The following CFHR4 variants were observed in gnomAD, a reference collection of about 807,000 sequenced individuals.
The protein encoded by CFHR4 is complement factor H related 4, also known as complement factor H-related protein 4.
CFHR4 carries 64 observed loss-of-function variants against 69.3 expected under a neutral mutation model. The observed-to-expected ratio is 0.92, with a 90% confidence interval of 0.76 to 1.14. The LOEUF (loss-of-function observed/expected upper bound fraction) is 1.14. Among genes scored for constraint, CFHR4 ranks in the 50% most tolerant of loss-of-function variants. CFHR4 has a pLI of 0.00. For synonymous variants in CFHR4, 244 were observed against 237.0 expected (o/e 1.03, Z -0.27); for missense variants, 636 against 684.9 (o/e 0.93, Z 0.80).
At chr1:196,894,188 C>T (rs768806854) in intron 1 of CFHR4, among the ~76,000 whole-genome samples, 9 of 151,540 alleles carry the variant, frequency 5.9e-5, no homozygotes, top group Middle Eastern at 3.2e-3. Context: ...TAATAATTCA[C>T]TTAAATGCAT....
intron 3 of CFHR4, among the ~76,000 whole-genome samples, 175 bp from the exon 4 acceptor site, chr1:196,906,686 C>T (rs1657922326): frequency 6.6e-6 from 1 of 151,156 alleles, no homozygotes; most frequent in Non-Finnish European, 1.5e-5. Context: ...GTATTTTTCT[C>T]TTGTAATTAA....
Position 196,905,303 on chromosome 1 carries a change from C to A in CFHR4, c.439+13C>A, listed in dbSNP as rs1657852275. 1.9e-6 allele frequency: 3 copies of A among 1,610,104 alleles called. No homozygotes were observed. Among genetic ancestry groups the A allele is most frequent in the Non-Finnish European group, 2.5e-6 (3 of 1,178,190 alleles). On this transcript the variant is annotated intron_variant, in intron 3 of 9. Transcript: ENST00000608469. ...CCAATTTGCATTAGTAAGTTATTTA[C>A]ATATTCCCACTCAGTTTCTGTCAAC... is the stretch of plus-strand genomic sequence containing the variant.
chr1:196,913,413 C>T lies in CFHR4; in HGVS notation c.1180+491C>T, dbSNP rs146004047. Among the ~76,000 whole-genome samples the T allele has an allele frequency of 6.5e-3, 978 of 151,266 alleles. 37 individuals carry two copies. Among genetic ancestry groups the T allele is most frequent in the African/African-American group, 0.022 (907 of 41,044 alleles). On this transcript the variant is annotated intron_variant, in intron 7 of 9. Coordinates refer to ENST00000608469, the MANE Select transcript of CFHR4 (RefSeq NM_001201550.3). ...AATGATGCTACTGAGGATATCCAAT[C>T]AAAAAATTATCTCTACCCTATTGTT...
In CFHR4 at chr1:196,912,846, T is replaced by C; in HGVS notation, c.1104T>C (p.Tyr368=). The C allele has an allele frequency of 1.2e-6, 2 of 1,611,278 alleles. No individual in the cohort carries two copies. Among genetic ancestry groups the C allele is most frequent in the Middle Eastern group, 1.7e-4 (1 of 6,040 alleles). Residue 368 remains tyrosine, a synonymous_variant, in exon 7 of 10, where the codon TAT becomes TAC. Coordinates refer to ENST00000608469, the MANE Select transcript of CFHR4 (RefSeq NM_001201550.3). ...KEIQYKCKPG[Y]ATADGNSSGS... The stretch of plus-strand genomic sequence containing the variant: ...TACAATATAAATGTAAACCAGGATA[T>C]GCAACAGCAGATGGAAATTCTTCAG...
At position 196,918,116 on chromosome 1, in the gene CFHR4, T is replaced by A; in HGVS notation, c.1541-94T>A. On this transcript the variant is annotated intron_variant, in intron 9 of 9. Coordinates refer to ENST00000608469, the MANE Select transcript of CFHR4 (RefSeq NM_001201550.3). Reference sequence around the variant, plus strand: ...ATTAACTATTTGGATTATTTTATAATTTTATTTTATCCTAAACTACTCATT... The same window carrying A: ...ATTAACTATTTGGATTATTTTATAAATTTATTTTATCCTAAACTACTCATT... 5 of 1,269,020 alleles carry A rather than the reference T, an allele frequency of 3.9e-6. No homozygotes were observed. The South Asian group carries it at 7.3e-5, about 19-fold the overall frequency. The allele number at this position is 1,269,020 out of a possible 1,614,324, so 78.6% of individuals were successfully genotyped here.
Position 196,907,072 on chromosome 1 carries a change from A to T in CFHR4, c.616+35A>T. 3.2e-6 allele frequency: 5 copies of T among 1,547,794 alleles called. No homozygotes were observed. The South Asian group carries it at 5.8e-5, about 18-fold the overall frequency. On this transcript the variant is annotated intron_variant, in intron 4 of 9. Transcript: ENST00000608469. ...TTATTCAAGTATTTCTTTTTACTAG[A>T]ATTAAACAAATAGAAACATACATAT...
At chr1:196,914,329 TTAAC>T (rs1335413577) in intron 7 of CFHR4, among the ~76,000 whole-genome samples, 162 bp from the exon 8 acceptor site, 2 of 151,558 alleles carry the variant, frequency 1.3e-5, no homozygotes, top group Admixed American at 1.3e-4. Context: ...ACTATTGTAA[TTAAC>T]TATTATAGCA....
intron 1 of CFHR4, among the ~76,000 whole-genome samples, chr1:196,889,514 T>G (rs1446171124): frequency 6.6e-6 from 1 of 151,440 alleles, no homozygotes; most frequent in African/African-American, 2.4e-5. Context: ...GCTGACAAAT[T>G]CTTTCTTATT....
At chr1:196,902,801 G>A (rs1015740744) in intron 2 of CFHR4, among the ~76,000 whole-genome samples, 186 bp downstream of exon 2, 5 of 151,234 alleles carry the variant, frequency 3.3e-5, no homozygotes, top group African/African-American at 1.2e-4. Context: ...AAATAAATGT[G>A]GCAACTTTAT....
rs12757817 is a variant in CFHR4 at position 196,918,337 on chromosome 1, G to A, written c.1668G>A (p.Ala556=). The part of the protein sequence containing the change: ...IEFMCKLGYN[A]NTSVLSFQAV... The stretch of plus-strand genomic sequence containing the variant: ...TTATGTGTAAATTGGGATATAATGC[G>A]AATACATCAGTTCTATCATTTCAAG... The change falls in exon 10 of 10, where the codon GCG becomes GCA. Residue 556 remains alanine (A), a synonymous_variant. Transcript: ENST00000608469. 4.2e-5 allele frequency: 67 copies of A among 1,611,730 alleles called. No homozygotes were observed. The highest frequency in any genetic ancestry group is 9.4e-5 in the African/African-American group (7 of 74,330).
chr1:196,892,635 T>C (rs1396404192), intron 1 of CFHR4, among the ~76,000 whole-genome samples: 3 of 151,500 alleles, frequency 2.0e-5, no homozygotes, highest in African/African-American at 4.9e-5. Flanking sequence ...TATGTCTATA[T>C]TGAAATTCAT....
In CFHR4 at chr1:196,918,276, T is replaced by A; in HGVS notation, c.1607T>A (p.Ile536Lys). ...ATACAGTTAAAAGGAAAAAGTGACATAAAATATTATGCAAAAACAGGGGAT... is the reference window on the plus strand; with the variant it reads ...ATACAGTTAAAAGGAAAAAGTGACAAAAAATATTATGCAAAAACAGGGGAT... ...NNIQLKGKSD[I>K]KYYAKTGDTI... The change falls in exon 10 of 10, where the codon ATA becomes AAA. Residue 536 changes from isoleucine (I) to lysine (K), a missense_variant. Ile to Lys is a moderately radical substitution (Grantham distance 102). Around this residue, in one of 3 missense-constraint regions of CFHR4, gnomAD observed 85 missense variants for 79.0 expected, o/e 1.08. Transcript: ENST00000608469. The A allele has an allele frequency of 6.2e-7, 1 of 1,608,642 alleles. No individual in the cohort carries two copies. Among genetic ancestry groups the A allele is most frequent in the Non-Finnish European group, 8.5e-7 (1 of 1,176,368 alleles).
chr1:196,897,503 G>A (rs1456793650), intron 1 of CFHR4, among the ~76,000 whole-genome samples: 2 of 151,416 alleles, frequency 1.3e-5, no homozygotes, highest in Non-Finnish European at 2.9e-5. Flanking sequence ...GATCACATGC[G>A]GGCTCAAAGG....
chr1:196,894,495 G>A (rs773295830), intron 1 of CFHR4, among the ~76,000 whole-genome samples: 1 of 151,272 alleles, frequency 6.6e-6, no homozygotes, highest in Non-Finnish European at 1.5e-5. Flanking sequence ...CAAGTCTAGT[G>A]GTCTCAAACT....
chr1:196,912,091 T>C (rs933311250), intron 6 of CFHR4, among the ~76,000 whole-genome samples: 13 of 151,444 alleles, frequency 8.6e-5, no homozygotes, highest in African/African-American at 3.2e-4. Flanking sequence ...CTTATACATA[T>C]ACCCATTAGT....
intron 1 of CFHR4, among the ~76,000 whole-genome samples, chr1:196,896,280 T>A (rs942638019): frequency 6.6e-6 from 1 of 151,158 alleles, no homozygotes; most frequent in African/African-American, 2.4e-5. Flanking sequence ...AATTAGCCTG[T>A]AGCATAGACT....
chr1:196,907,274 A>G, intron 4 of CFHR4, 42 bp from the exon 5 acceptor site: 1 of 1,531,884 alleles, frequency 6.5e-7, no homozygotes, highest in Non-Finnish European at 9.0e-7. Context: ...AGTTTCCAAT[A>G]AAACTGTTGA....
chr1:196,901,713 A>G (rs1657616669), intron 1 of CFHR4, among the ~76,000 whole-genome samples: 1 of 151,434 alleles, frequency 6.6e-6, no homozygotes, highest in Admixed American at 6.6e-5. Flanking sequence ...TCAAATATTC[A>G]ATATACACAA....
chr1:196,899,982 G>C lies in CFHR4; in HGVS notation c.59-2436G>C, dbSNP rs1380932567. ...ATAAATTCACAAATGAAATGCTACA[G>C]CAGATGGTGACAGTGAATCTGCATT... is the stretch of plus-strand genomic sequence containing the variant. On this transcript the variant is annotated intron_variant, in intron 1 of 9. Coordinates refer to ENST00000608469, the MANE Select transcript of CFHR4 (RefSeq NM_001201550.3). Among the ~76,000 whole-genome samples, 4 of 151,532 alleles carry C rather than the reference G, an allele frequency of 2.6e-5. No individual in the cohort carries two copies. In the South Asian group the frequency reaches 6.2e-4, roughly 24 times the overall value.
Sources: allele counts gnomAD v4.1 joint callset (sites outside exome capture counted in the v4.1 genomes callset), GRCh38; gene constraint gnomAD v4.1.1; regional missense constraint gnomAD v4.1.1; transcripts MANE v1.5; gene names NCBI Gene and HGNC (gene_info 2026-07-23, HGNC 2026-07-21).